Variants in SEZ6 observed in about 807,000 individuals in gnomAD.
SEZ6 encodes seizure protein 6 homolog.
In SEZ6, 53 loss-of-function variants were observed where a neutral mutation model predicts 101.0. The observed-to-expected ratio is 0.52, with a 90% CI of 0.42 to 0.66. The LOEUF is 0.66. Among genes scored for constraint, SEZ6 ranks in the 30% least tolerant of loss-of-function variants. The pLI, the probability that SEZ6 is intolerant of heterozygous loss-of-function variation, is 0.00. For synonymous variants in SEZ6, 488 were observed against 512.2 expected (o/e 0.95, Z 0.64); for missense variants, 1,102 against 1,289.4 (o/e 0.85, Z 2.23).
chr17:28,995,355 G>A (rs867446574), intron 1 of SEZ6, among the ~76,000 whole-genome samples: 2 of 151,946 alleles, frequency 1.3e-5, no homozygotes, highest in African/African-American at 2.4e-5. Context: ...TGTGGGGGGG[G>A]GTGCATTAGG....
intron 1 of SEZ6, among the ~76,000 whole-genome samples, chr17:28,990,867 T>C (rs936178422): frequency 6.6e-6 from 1 of 152,170 alleles, no homozygotes; most frequent in Non-Finnish European, 1.5e-5. Context: ...GGAGGCTGAT[T>C]TGAGTAGTAA....
intron 1 of SEZ6, among the ~76,000 whole-genome samples, chr17:28,998,603 TG>T (rs2041574464): frequency 6.6e-6 from 1 of 152,076 alleles, no homozygotes; most frequent in Non-Finnish European, 1.5e-5. Flanking sequence ...AGGAAATCAG[TG>T]GGGTGGTGAC....
intron 1 of SEZ6, among the ~76,000 whole-genome samples, chr17:28,990,222 A>G (rs1024082223): frequency 2.0e-5 from 3 of 152,208 alleles, no homozygotes. Context: ...CCTGTAAATA[A>G]CATCACTATA....
intron 5 of SEZ6, 93 bp downstream of exon 5, chr17:28,963,869 G>A: frequency 6.8e-7 from 1 of 1,459,980 alleles, no homozygotes; most frequent in South Asian, 1.2e-5. Context: ...CTTATGAAGA[G>A]CAAATGAAAG....
At chr17:28,964,529 C>G (rs1428074862) in intron 4 of SEZ6, among the ~76,000 whole-genome samples, 1 of 152,188 alleles carries the variant, frequency 6.6e-6, no homozygotes, top group Non-Finnish European at 1.5e-5. Context: ...CTTGGTATCT[C>G]TGGTACCCAG....
chr17:28,958,832 C>T (rs77195719), intron 10 of SEZ6, among the ~76,000 whole-genome samples, 193 bp downstream of exon 10: 3 of 152,080 alleles, frequency 2.0e-5, no homozygotes, highest in Non-Finnish European at 4.4e-5. Flanking sequence ...CTACCCAAAC[C>T]CCTCTTGCCA....
In SEZ6 at chr17:28,964,143, A is replaced by G; in HGVS notation, c.1059T>C (p.Tyr353=). 6.4e-7 allele frequency: 1 copy of G among 1,573,130 alleles called. No homozygotes were observed. The highest frequency in any genetic ancestry group is 8.6e-7 in the Non-Finnish European group (1 of 1,158,348). The part of the protein sequence containing the change: ...PGTFHFHYQA[Y]LLSCHFPRRP... ...GACGGGGAAAGTGGCAGCTCAGGAG[A>G]TAGGCTGCAAACAGAGAACGGGTGA... Residue 353 remains tyrosine, a synonymous_variant, in exon 5 of 17, where the codon TAT becomes TAC. Transcript: ENST00000317338.
Position 28,956,344 on chromosome 17 carries a change from ACT to A in SEZ6, c.2849+4_2849+5del. ...TATGCAGAGCAGAAAGAGAAGCCAG[ACT>A]CACCTGGAGAAGTAGAAGTATACAC... On this transcript the variant is annotated splice_donor_5th_base_variant and intron_variant, in intron 15 of 16. Transcript: ENST00000317338. The A allele has an allele frequency of 1.9e-6, 3 of 1,573,144 alleles. No homozygotes were observed. The highest frequency in any genetic ancestry group is 2.6e-6 in the Non-Finnish European group (3 of 1,158,828).
chr17:28,979,984 T>C (rs1006748594), intron 2 of SEZ6, among the ~76,000 whole-genome samples, 171 bp from the exon 3 acceptor site: 47 of 151,766 alleles, frequency 3.1e-4, no homozygotes, highest in Non-Finnish European at 6.0e-4. Flanking sequence ...CCACCTTTTA[T>C]TAGGCACCTA....
At chr17:28,986,601 C>T (rs2041387925) in intron 1 of SEZ6, among the ~76,000 whole-genome samples, 1 of 152,224 alleles carries the variant, frequency 6.6e-6, no homozygotes, top group Non-Finnish European at 1.5e-5. Flanking sequence ...AGTCATTACG[C>T]AGTGCCCCAG....
intron 5 of SEZ6, 60 bp downstream of exon 5, chr17:28,963,902 G>C: frequency 6.5e-7 from 1 of 1,549,686 alleles, no homozygotes; most frequent in Non-Finnish European, 8.7e-7. Flanking sequence ...ACAGAGAGCA[G>C]GGATGAGCCC....
intron 1 of SEZ6, among the ~76,000 whole-genome samples, chr17:28,999,671 G>A (rs1298384868): frequency 6.6e-6 from 1 of 152,204 alleles, no homozygotes; most frequent in African/African-American, 2.4e-5. Context: ...GCAGGTGGAA[G>A]GAAGCTGGGG....
chr17:28,981,320 G>A (rs561881886), intron 2 of SEZ6, 51 bp downstream of exon 2: 187 of 1,501,854 alleles, frequency 1.2e-4, no homozygotes, highest in Non-Finnish European at 1.6e-4. Flanking sequence ...TAGGGGCCCC[G>A]CAGCCTCCCC....
At chr17:29,004,645 C>T (rs983569578) in intron 1 of SEZ6, among the ~76,000 whole-genome samples, 3 of 152,178 alleles carry the variant, frequency 2.0e-5, no homozygotes, top group Non-Finnish European at 4.4e-5. Flanking sequence ...CTGGAAAGAT[C>T]GAGCAGGGAG....
intron 3 of SEZ6, among the ~76,000 whole-genome samples, chr17:28,972,292 A>G (rs544314514): frequency 1.3e-5 from 2 of 152,380 alleles, no homozygotes; most frequent in Admixed American, 1.3e-4. Context: ...ACGTGTGGAA[A>G]GAGTAAATGT....
intron 5 of SEZ6, among the ~76,000 whole-genome samples, chr17:28,961,758 G>C (rs2040981938): frequency 1.3e-5 from 2 of 152,186 alleles, no homozygotes; most frequent in Admixed American, 1.3e-4. Flanking sequence ...GGGGTCCTCA[G>C]GCAAGAGGAG....
Position 28,956,730 on chromosome 17 carries a change from C to G in SEZ6, c.2720G>C (p.Arg907Pro). 1.9e-6 allele frequency: 3 copies of G among 1,563,308 alleles called. No homozygotes were observed. The highest frequency in any genetic ancestry group is 2.6e-6 in the Non-Finnish European group (3 of 1,153,624). Residue 907 changes from arginine (R) to proline (P), a missense_variant, in exon 14 of 17, where the codon CGC becomes CCC. Transcript: ENST00000317338. Reference protein sequence around the residue: ...AASLDGFYNSRSLDVAKAPAA... With the variant: ...AASLDGFYNSPSLDVAKAPAA... ...GGGTGGAGACTTACCATCCAGGCTG[C>G]GACTGTTGTAGAACCCATCCAGAGA... is the stretch of plus-strand genomic sequence containing the variant.
At chr17:28,979,530 C>G in intron 3 of SEZ6, 150 bp downstream of exon 3, 3 of 1,181,002 alleles carry the variant, frequency 2.5e-6, no homozygotes, top group South Asian at 3.0e-5. Context: ...AGAATCTAAC[C>G]ATTTAGGCCC....
In SEZ6 at chr17:28,969,777, G is replaced by C. The variant is rs2041123609; in HGVS notation, c.1034C>G (p.Thr345Ser). The C allele has an allele frequency of 6.6e-7, 1 of 1,504,410 alleles. No individual in the cohort carries two copies. Among genetic ancestry groups the C allele is most frequent in the African/African-American group, 1.5e-5 (1 of 67,874 alleles). The allele number at this position is 1,504,410 out of a possible 1,614,324, so 93.2% of individuals were successfully genotyped here. ...QSLPPPAGPG[T>S]FHFHYQAYLL... ...CTTACCTTGGTAATGGAAATGGAAG[G>C]TGCCAGGGCCAGCCGGTGGCGGGAG... Residue 345 changes from threonine to serine, a missense_variant, in exon 4 of 17, where the codon ACC becomes AGC. By Grantham distance (58) the Thr-to-Ser change is moderately conservative (BLOSUM62 1). Around this residue, in one of 3 missense-constraint regions of SEZ6, gnomAD observed 556 missense variants for 735.1 expected, o/e 0.76. Transcript: ENST00000317338.
Sources: allele counts gnomAD v4.1 joint callset (sites outside exome capture counted in the v4.1 genomes callset), GRCh38; gene constraint gnomAD v4.1.1; regional missense constraint gnomAD v4.1.1; transcripts MANE v1.5; gene names NCBI Gene and HGNC (gene_info 2026-07-23, HGNC 2026-07-21).